TRIM14: variants seen among roughly 807,000 people sequenced by gnomAD.
TRIM14 encodes the protein tripartite motif-containing protein 14.
A neutral mutation model predicts 44.5 loss-of-function variants in TRIM14; 28 were observed. The ratio of observed to expected loss-of-function variants is 0.63; its 90% CI spans 0.47 to 0.86. The LOEUF is 0.86. TRIM14 is among the 40% of genes least tolerant of loss of function. The pLI is 0.00. For missense variants in TRIM14, 607 were observed against 611.1 expected (o/e 0.99, Z 0.07); for synonymous variants, 299 against 269.2 (o/e 1.11, Z -1.08).
chr9:98,044,314 G>A, the TRIM14 span, among the ~76,000 whole-genome samples: 1 of 151,110 alleles, frequency 6.6e-6, no homozygotes, highest in African/African-American at 2.4e-5. Context: ...CTCCCATGTG[G>A]CCCCCGGTCA....
downstream of TRIM14, chr9:98,083,046 C>A (rs981814421): frequency 6.2e-7 from 1 of 1,613,890 alleles, no homozygotes; most frequent in Non-Finnish European, 8.5e-7. Context: ...GCAAAAAAAT[C>A]AAGTCTTAAA....
chr9:98,048,219 C>G, the TRIM14 span, among the ~76,000 whole-genome samples: 1,499 of 152,212 alleles, frequency 9.8e-3, 25 homozygotes, highest in African/African-American at 0.034. Context: ...CTGTCTTGTT[C>G]ATAGCATTTC....
At chr9:98,042,134 A>G in the TRIM14 span, among the ~76,000 whole-genome samples, 2 of 151,550 alleles carry the variant, frequency 1.3e-5, no homozygotes, top group African/African-American at 4.8e-5. Context: ...TCTACTAAAA[A>G]TACAAAAAAT....
At position 98,119,042 on chromosome 9, in the gene TRIM14, C is replaced by T; in HGVS notation, c.147G>A (p.Val49=). ...CRRCVCALCP[V]LGAHRGHPVG... ...CAGGGTGGCCACGGTGCGCGCCCAG[C>T]ACCGGGCAAAGCGCGCACACGCAGC... Residue 49 remains valine (V), a synonymous_variant, in exon 1 of 6, where the codon GTG becomes GTA. Coordinates refer to ENST00000341469, the MANE Select transcript of TRIM14 (RefSeq NM_014788.4). 6.3e-7 allele frequency: 1 copy of T among 1,577,774 alleles called. No individual in the cohort carries two copies. The highest frequency in any genetic ancestry group is 8.5e-7 in the Non-Finnish European group (1 of 1,171,464).
chr9:98,073,753 C>T (rs1467609625), intron 6 of TRIM14, among the ~76,000 whole-genome samples: 8 of 151,950 alleles, frequency 5.3e-5, no homozygotes, highest in Non-Finnish European at 1.0e-4. Context: ...TCTGTGGGCA[C>T]GTGTTGTCCA....
At chr9:98,062,379 C>G in the TRIM14 span, among the ~76,000 whole-genome samples, 1 of 152,084 alleles carries the variant, frequency 6.6e-6, no homozygotes, top group African/African-American at 2.4e-5. Flanking sequence ...TGGAAGAGTA[C>G]AGCTCGTGCC....
At chr9:98,083,195 T>G, downstream of TRIM14, 1 of 771,468 alleles carries the variant, frequency 1.3e-6, no homozygotes, top group East Asian at 2.7e-5. Flanking sequence ...AGCAGATGTT[T>G]CTGGGCTAGG....
chr9:98,071,573 A>T (rs1481124050), intron 6 of TRIM14, among the ~76,000 whole-genome samples: 1 of 152,228 alleles, frequency 6.6e-6, no homozygotes, highest in African/African-American at 2.4e-5. Flanking sequence ...TAAGGAAAGC[A>T]ACCTGGGCTA....
Position 98,085,015 on chromosome 9 carries a change from G to A in TRIM14, c.*2455C>T, listed in dbSNP as rs10984977. ...GAAACTGCCGCTTTCTGGCTATCAC[G>A]GGCCTTGACACAGCTAGTTTGTGAC... On this transcript the variant is annotated 3_prime_UTR_variant, in exon 6 of 6. Transcript: ENST00000341469. 0.21 allele frequency: 32,638 copies of A among 152,012 alleles called. 3,752 individuals are homozygous for A. The highest frequency in any genetic ancestry group is 0.27 in the Admixed American group (4,057 of 15,254). The allele number at this position is 152,012 out of a possible 1,614,324, so 9.4% of individuals were successfully genotyped here. A position where few individuals can be genotyped will look rare whatever the true frequency, so the allele number is the denominator to read the frequency against.
intron 1 of TRIM14, chr9:98,116,273 G>A (rs1827048345): frequency 6.9e-6 from 1 of 145,204 alleles, no homozygotes; most frequent in Non-Finnish European, 1.5e-5. Flanking sequence ...CCACACTCCA[G>A]CCTGGGCAAC....
chr9:98,113,564 A>G (rs1465422744), intron 1 of TRIM14, among the ~76,000 whole-genome samples: 1 of 152,178 alleles, frequency 6.6e-6, no homozygotes, highest in East Asian at 1.9e-4. Context: ...CATGTTGCTC[A>G]GGCTGGTTTT....
chr9:98,039,753 C>T, the TRIM14 span, among the ~76,000 whole-genome samples: 1 of 152,070 alleles, frequency 6.6e-6, no homozygotes, highest in African/African-American at 2.4e-5. Flanking sequence ...ATGATTTCAT[C>T]CCTGAACAAT....
chr9:98,079,642 A>C (rs1209607373), downstream of TRIM14, among the ~76,000 whole-genome samples: 1 of 152,108 alleles, frequency 6.6e-6, no homozygotes, highest in Non-Finnish European at 1.5e-5. Flanking sequence ...CATCCCCTGC[A>C]CTCCCATCCC....
At position 98,094,946 on chromosome 9, in the gene TRIM14, G is replaced by A. The variant is rs768327527; in HGVS notation, c.621C>T (p.Pro207=). The change falls in exon 4 of 6, where the codon CCC becomes CCT. Residue 207 remains proline (P), a synonymous_variant. Coordinates refer to ENST00000341469, the MANE Select transcript of TRIM14 (RefSeq NM_014788.4). ...LCHPVPLSFE[P]VKSFFKGLVE... ...CGAGGCCCTTAAAGAAGCTCTTGAC[G>A]GGCTCAAAGGAGAGGGGCACGGGAT... 17 of 1,614,172 alleles carry A rather than the reference G, an allele frequency of 1.1e-5. No individual in the cohort carries two copies. The highest frequency in any genetic ancestry group is 1.6e-4 in the Middle Eastern group (1 of 6,062).
chr9:98,093,320 C>T (rs1007277158), intron 4 of TRIM14, among the ~76,000 whole-genome samples: 1 of 152,156 alleles, frequency 6.6e-6, no homozygotes, highest in African/African-American at 2.4e-5. Flanking sequence ...CTCCCCCAGA[C>T]GTAACAGCAG....
At chr9:98,062,238 A>G in the TRIM14 span, among the ~76,000 whole-genome samples, 1,125 of 151,902 alleles carry the variant, frequency 7.4e-3, 51 homozygotes, top group Admixed American at 0.064. Flanking sequence ...GAGCAAGGAA[A>G]CCACAGTTCT....
chr9:98,115,395 T>C (rs914788170), intron 1 of TRIM14, among the ~76,000 whole-genome samples: 5 of 152,136 alleles, frequency 3.3e-5, no homozygotes, highest in Admixed American at 2.0e-4. Flanking sequence ...GGATTACAGG[T>C]GCCCACCACC....
the TRIM14 span, among the ~76,000 whole-genome samples, chr9:98,064,045 T>C: frequency 1.3e-5 from 2 of 152,310 alleles, no homozygotes; most frequent in East Asian, 1.9e-4. Flanking sequence ...TTCTAAAACA[T>C]GTGTGTCGAC....
intron 6 of TRIM14, among the ~76,000 whole-genome samples, chr9:98,073,534 C>T (rs1378281958): frequency 1.3e-5 from 2 of 151,074 alleles, no homozygotes; most frequent in African/African-American, 2.4e-5. Flanking sequence ...CTGCCCGCCA[C>T]GGCCTCCCAA....
Sources: gnomAD v4.1 joint callset for allele counts (sites outside exome capture counted in the v4.1 genomes callset) on GRCh38, gnomAD v4.1.1 for gene constraint, MANE v1.5 for transcripts, NCBI Gene and HGNC (gene_info 2026-07-23, HGNC 2026-07-21) for gene names.